Variants in SYCP2L observed in about 807,000 individuals in gnomAD.
SYCP2L encodes the protein synaptonemal complex protein 2-like.
In SYCP2L, 98 loss-of-function variants were observed where a neutral mutation model predicts 125.8. The ratio of observed to expected loss-of-function variants is 0.78; its 90% CI spans 0.66 to 0.92. SYCP2L has a LOEUF of 0.92. Among genes scored for constraint, SYCP2L ranks in the 40% least tolerant of loss-of-function variants. The pLI is 0.00. For missense variants in SYCP2L, 842 were observed against 936.4 expected (o/e 0.90, Z 1.32); for synonymous variants, 317 against 325.4 (o/e 0.97, Z 0.28).
At chr6:10,972,218 A>G (rs1319259203) in intron 29 of SYCP2L, among the ~76,000 whole-genome samples, 3 of 152,190 alleles carry the variant, frequency 2.0e-5, no homozygotes, top group Non-Finnish European at 4.4e-5. Context: ...TACATTATTG[A>G]GGAAAAAAAT....
At chr6:10,930,939 G>A (rs1324287665) in intron 19 of SYCP2L, among the ~76,000 whole-genome samples, 2 of 152,152 alleles carry the variant, frequency 1.3e-5, no homozygotes, top group Non-Finnish European at 2.9e-5. Context: ...TTGGGAGGCC[G>A]AGGTGGGAGG....
intron 14 of SYCP2L, among the ~76,000 whole-genome samples, chr6:10,919,027 G>A (rs1421691387): frequency 6.6e-6 from 1 of 151,996 alleles, no homozygotes; most frequent in Non-Finnish European, 1.5e-5. Context: ...TTTCTCTGGT[G>A]CCTCCCTGAT....
intron 23 of SYCP2L, among the ~76,000 whole-genome samples, chr6:10,951,995 C>T (rs1406988367): frequency 3.3e-5 from 5 of 152,164 alleles, no homozygotes; most frequent in South Asian, 2.1e-4. Context: ...TGAAGAAAGC[C>T]GGGTTCTTGT....
At chr6:10,923,292 T>A (rs2113343063) in intron 14 of SYCP2L, among the ~76,000 whole-genome samples, 1 of 152,290 alleles carries the variant, frequency 6.6e-6, no homozygotes, top group African/African-American at 2.4e-5. Context: ...TCTAAGCCAT[T>A]TTCTCTTGTA....
Position 10,928,440 on chromosome 6 carries a change from C to A in SYCP2L, c.1478C>A (p.Pro493Gln). ...PVPPFGVPDF[P>Q]QQPKSHYRKH... The stretch of plus-strand genomic sequence containing the variant: ...CCTCCGTTCGGGGTCCCTGACTTCC[C>A]GCAACAACCTGTGAGTACAGGGAGT... Residue 493 changes from proline to glutamine, a missense_variant, in exon 18 of 30, where the codon CCG becomes CAG. Coordinates refer to ENST00000283141, the MANE Select transcript of SYCP2L (RefSeq NM_001040274.3). 1 of 1,585,234 alleles carries A rather than the reference C, an allele frequency of 6.3e-7. No homozygotes were observed. Among genetic ancestry groups the A allele is most frequent in the Non-Finnish European group, 8.6e-7 (1 of 1,167,066 alleles).
intron 8 of SYCP2L, among the ~76,000 whole-genome samples, chr6:10,903,467 G>A (rs1231407812): frequency 6.6e-6 from 1 of 152,216 alleles, no homozygotes; most frequent in African/African-American, 2.4e-5. Context: ...AGAATGGCGT[G>A]AACCTGGGAG....
At chr6:10,888,131 C>T (rs1780111375) in intron 1 of SYCP2L, among the ~76,000 whole-genome samples, 1 of 115,620 alleles carries the variant, frequency 8.6e-6, no homozygotes, top group African/African-American at 3.4e-5. Context: ...GAGTCTCATT[C>T]TGTCGCCCAG....
intron 29 of SYCP2L, among the ~76,000 whole-genome samples, chr6:10,972,378 G>A (rs1030318750): frequency 1.3e-5 from 2 of 152,206 alleles, no homozygotes; most frequent in African/African-American, 4.8e-5. Flanking sequence ...TGAACTAAAT[G>A]TGCATGTTAC....
intron 1 of SYCP2L, among the ~76,000 whole-genome samples, chr6:10,890,576 G>A (rs1056054895): frequency 6.6e-6 from 1 of 152,042 alleles, no homozygotes. Context: ...TGAGTTCCCT[G>A]TATATTCTAG....
intron 23 of SYCP2L, among the ~76,000 whole-genome samples, chr6:10,946,697 T>C (rs559878546): frequency 6.6e-6 from 1 of 152,224 alleles, no homozygotes; most frequent in East Asian, 1.9e-4. Context: ...TAGCTGTCAA[T>C]CTACCAGTCA....
chr6:10,926,143 C>T (rs1399129795), intron 15 of SYCP2L, among the ~76,000 whole-genome samples, 196 bp from the exon 16 acceptor site: 2 of 152,010 alleles, frequency 1.3e-5, no homozygotes, highest in Non-Finnish European at 2.9e-5. Context: ...ATGGCTAGCC[C>T]GAGCTGGTCC....
chr6:10,916,098 TTATG>T (rs1181652541), intron 14 of SYCP2L, among the ~76,000 whole-genome samples: 2 of 152,204 alleles, frequency 1.3e-5, no homozygotes, highest in Admixed American at 1.3e-4. Context: ...GTTTTCTAGT[TTATG>T]TGTGTAATGG....
At chr6:10,951,329 C>CA (rs996268649) in intron 23 of SYCP2L, among the ~76,000 whole-genome samples, 19 of 151,962 alleles carry the variant, frequency 1.3e-4, no homozygotes, top group Non-Finnish European at 2.4e-4. Context: ...TGGAGGCTGA[C>CA]ATGGGGGTGG....
In SYCP2L at chr6:10,963,785, C is replaced by A; in HGVS notation, c.2418C>A (p.Phe806Leu). ...GAGATGGACCAATTTCTTCCAGGTT[C>A]AATTCAACTCAGACTTCATAAGAAA... The part of the protein sequence containing the change: ...QSFCDLQVLR[F>L]NSTQTS The change falls in exon 29 of 30, where the codon TTC (phenylalanine) becomes TTA (leucine). Residue 806 changes from phenylalanine (F) to leucine (L), a missense_variant. Transcript: ENST00000283141. 6.2e-7 allele frequency: 1 copy of A among 1,613,678 alleles called. No individual in the cohort carries two copies. Among genetic ancestry groups the A allele is most frequent in the African/African-American group, 1.3e-5 (1 of 74,980 alleles).
At chr6:10,906,814 G>A (rs1780504230) in intron 9 of SYCP2L, among the ~76,000 whole-genome samples, 1 of 151,982 alleles carries the variant, frequency 6.6e-6, no homozygotes, top group South Asian at 2.1e-4. Flanking sequence ...GGCCAGGCTG[G>A]TCTCGAACTC....
chr6:10,944,357 A>C (rs66510263), intron 23 of SYCP2L, among the ~76,000 whole-genome samples: 34,297 of 152,086 alleles, frequency 0.23, 4,441 homozygotes, highest in East Asian at 0.44. Context: ...TTGTCTATAG[A>C]ATTATCTTCT....
intron 10 of SYCP2L, among the ~76,000 whole-genome samples, chr6:10,909,573 T>C (rs1780569912): frequency 6.6e-6 from 1 of 152,208 alleles, no homozygotes; most frequent in Non-Finnish European, 1.5e-5. Context: ...TCTTTGTTTT[T>C]AGAATGTTGG....
intron 29 of SYCP2L, among the ~76,000 whole-genome samples, chr6:10,967,957 T>G (rs1781708482): frequency 6.6e-6 from 1 of 152,118 alleles, no homozygotes; most frequent in Non-Finnish European, 1.5e-5. Context: ...TTTGCCAGAA[T>G]CCAGAGGCAA....
rs751552852 is a variant in SYCP2L, at chr6:10,931,450, T to G, written c.1644T>G (p.Val548=). ...TTTCTTTCAATTTAGTCTTGCCAGT[T>G]TTCCCTCCCAGTAGTGGCAGTGGCC... is the stretch of plus-strand genomic sequence containing the variant. ...RTRSNLRILP[V]FPPSSGSGHE... is the part of the protein sequence containing the mutation. The change falls in exon 20 of 30, where the codon GTT becomes GTG. Residue 548 remains valine, a synonymous_variant. Coordinates refer to ENST00000283141, the MANE Select transcript of SYCP2L (RefSeq NM_001040274.3). The G allele has an allele frequency of 1.9e-6, 3 of 1,614,060 alleles. No individual in the cohort carries two copies. The highest frequency in any genetic ancestry group is 2.5e-6 in the Non-Finnish European group (3 of 1,180,018).
Sources: gnomAD v4.1 joint callset for allele counts (sites outside exome capture counted in the v4.1 genomes callset) on GRCh38, gnomAD v4.1.1 for gene constraint, MANE v1.5 for transcripts, NCBI Gene and HGNC (gene_info 2026-07-23, HGNC 2026-07-21) for gene names.